The following COL19A1 variants were observed in gnomAD, a reference collection of about 807,000 sequenced individuals.
The protein encoded by COL19A1 is collagen type XIX alpha 1 chain, also known as collagen alpha-1(XIX) chain.
Under a neutral mutation model 190.2 loss-of-function variants are expected in COL19A1, and 159 were observed. That is an observed-to-expected ratio of 0.84 (90% CI 0.73 to 0.95). The LOEUF is 0.95. COL19A1 is among the 40% of genes least tolerant of loss of function. The pLI, the probability that COL19A1 is intolerant of heterozygous loss-of-function variation, is 0.00. For synonymous variants in COL19A1, 509 were observed against 458.9 expected, an observed-to-expected ratio of 1.11 and a Z score of -1.39; for missense variants, 1,418 against 1,431.9, an observed-to-expected ratio of 0.99 and a Z score of 0.16.
At chr6:70,181,055 T>A (rs182566149) in intron 44 of COL19A1, among the ~76,000 whole-genome samples, 121 of 152,354 alleles carry the variant, frequency 7.9e-4, no homozygotes, top group African/African-American at 2.5e-3. Context: ...TCATTCTGAC[T>A]AATCCAGTTC....
At chr6:70,168,568 A>T in intron 39 of COL19A1, 87 bp from the exon 40 acceptor site, 2 of 1,347,586 alleles carry the variant, frequency 1.5e-6, no homozygotes, top group Non-Finnish European at 2.1e-6. Context: ...TCGTATGTGT[A>T]TTAAGGCAAA....
At chr6:69,970,106 C>G (rs1775336118) in intron 11 of COL19A1, among the ~76,000 whole-genome samples, 1 of 151,996 alleles carries the variant, frequency 6.6e-6, no homozygotes, top group Non-Finnish European at 1.5e-5. Context: ...GACACATTGC[C>G]TAGGGTGTAA....
At chr6:70,206,867 TTG>T in intron 49 of COL19A1, 32 bp from the exon 50 acceptor site, 1 of 1,592,380 alleles carries the variant, frequency 6.3e-7, no homozygotes, top group Non-Finnish European at 8.6e-7. Flanking sequence ...AGAACCCTTT[TTG>T]TGTGTCTCTT....
At chr6:70,149,472 A>G (rs764232380) in intron 27 of COL19A1, among the ~76,000 whole-genome samples, 3 of 152,084 alleles carry the variant, frequency 2.0e-5, no homozygotes, top group Non-Finnish European at 2.9e-5. Context: ...AATGATATAG[A>G]TGTCCCAAGT....
At chr6:70,112,711 C>T (rs9454976) in intron 16 of COL19A1, among the ~76,000 whole-genome samples, 25 of 152,100 alleles carry the variant, frequency 1.6e-4, no homozygotes, top group African/African-American at 6.0e-4. Context: ...TAATTATGCC[C>T]ATTGAATGCA....
At chr6:69,978,912 G>A (rs2150063156) in intron 11 of COL19A1, among the ~76,000 whole-genome samples, 1 of 151,858 alleles carries the variant, frequency 6.6e-6, no homozygotes, top group South Asian at 2.1e-4. Flanking sequence ...ACAGATAGTA[G>A]ATGGACTTAA....
Position 70,188,131 on chromosome 6 carries a change from C to T in COL19A1, c.2913C>T (p.Gly971=). ...RGSQGERGKP[G]LTGMKGAIGP... Reference sequence around the variant, plus strand: ...CACAAGGTGAACGGGGAAAACCAGGCCTTACAGGCATGAAGGGGGCCATCG... The same window carrying T: ...CACAAGGTGAACGGGGAAAACCAGGTCTTACAGGCATGAAGGGGGCCATCG... The change falls in exon 47 of 51, where the codon GGC becomes GGT. Residue 971 remains glycine, a synonymous_variant. Coordinates refer to ENST00000620364, the MANE Select transcript of COL19A1 (RefSeq NM_001858.6). The T allele has an allele frequency of 6.2e-7, 1 of 1,613,848 alleles. No individual in the cohort carries two copies. The highest frequency in any genetic ancestry group is 8.5e-7 in the Non-Finnish European group (1 of 1,179,882).
At chr6:70,112,649 A>C (rs1204897706) in intron 16 of COL19A1, among the ~76,000 whole-genome samples, 2 of 152,170 alleles carry the variant, frequency 1.3e-5, no homozygotes, top group East Asian at 3.9e-4. Flanking sequence ...AGTGTTAAAA[A>C]ATCTACAAGC....
At chr6:70,070,469 C>T (rs563563311) in intron 15 of COL19A1, among the ~76,000 whole-genome samples, 5 of 152,144 alleles carry the variant, frequency 3.3e-5, no homozygotes, top group Admixed American at 1.3e-4. Context: ...AGGCATAGTT[C>T]GTCATTATTG....
chr6:69,992,762 T>G (rs1352705432), intron 11 of COL19A1, among the ~76,000 whole-genome samples: 1 of 152,044 alleles, frequency 6.6e-6, no homozygotes, highest in Non-Finnish European at 1.5e-5. Flanking sequence ...GCTTGGACAT[T>G]GTTGATCTAT....
In COL19A1 at chr6:70,209,542, T is replaced by G. The variant is rs1768073084; in HGVS notation, c.*2268T>G. The G allele has an allele frequency of 6.6e-6, 1 of 152,174 alleles. No homozygotes were observed. The highest frequency in any genetic ancestry group is 1.5e-5 in the Non-Finnish European group (1 of 68,024). 9.4% of individuals were successfully genotyped at this position (152,174 alleles called of 1,614,324 possible). ...GCATTCTTTCTTATGAATTGTATAT[T>G]TAGAAATCTTTCTAAATACCATTAA... On this transcript the variant is annotated 3_prime_UTR_variant, in exon 51 of 51. Coordinates refer to ENST00000620364, the MANE Select transcript of COL19A1 (RefSeq NM_001858.6).
chr6:70,062,397 T>C (rs560081719), intron 14 of COL19A1, among the ~76,000 whole-genome samples: 7 of 151,922 alleles, frequency 4.6e-5, no homozygotes, highest in Admixed American at 2.6e-4. Context: ...CATGAAAATT[T>C]AGTAATAAAA....
chr6:70,200,135 G>A (rs1402730509), intron 49 of COL19A1, among the ~76,000 whole-genome samples: 1 of 152,116 alleles, frequency 6.6e-6, no homozygotes, highest in African/African-American at 2.4e-5. Context: ...ATAAACTGGA[G>A]AAAGAGTTTT....
Position 70,209,983 on chromosome 6 carries a change from G to C in COL19A1, c.*2709G>C, listed in dbSNP as rs1583174774. ...AAGTTTTCCTCTAAATGACTTGATG[G>C]TTGCCAAATCCCTTGCACCATTTTA... is the stretch of plus-strand genomic sequence containing the variant. On this transcript the variant is annotated 3_prime_UTR_variant, in exon 51 of 51. Coordinates refer to ENST00000620364, the MANE Select transcript of COL19A1 (RefSeq NM_001858.6). 1 of 152,224 alleles carries C rather than the reference G, an allele frequency of 6.6e-6. No homozygotes were observed. Among genetic ancestry groups the C allele is most frequent in the East Asian group, 1.9e-4 (1 of 5,190 alleles). 9.4% of individuals were successfully genotyped at this position (152,224 alleles called of 1,614,324 possible). A position where few individuals can be genotyped will look rare whatever the true frequency, so the allele number is the denominator to read the frequency against.
intron 4 of COL19A1, among the ~76,000 whole-genome samples, chr6:69,917,121 T>A (rs1413623387): frequency 1.3e-5 from 2 of 152,222 alleles, no homozygotes; most frequent in African/African-American, 2.4e-5. Context: ...ATGAAGACAC[T>A]TTTGGTGAAA....
At chr6:70,184,680 A>T (rs1279620345) in intron 44 of COL19A1, 23 bp from the exon 45 acceptor site, 5 of 1,570,632 alleles carry the variant, frequency 3.2e-6, no homozygotes, top group Non-Finnish European at 4.4e-6. Context: ...AGTTAGAAAT[A>T]TTAATCCTTT....
intron 49 of COL19A1, among the ~76,000 whole-genome samples, chr6:70,202,783 G>T (rs1161205736): frequency 6.6e-6 from 1 of 152,210 alleles, no homozygotes; most frequent in Non-Finnish European, 1.5e-5. Flanking sequence ...AAAGTGAAAA[G>T]AAAGACCTTT....
intron 10 of COL19A1, among the ~76,000 whole-genome samples, chr6:69,960,787 C>T (rs879574686): frequency 2.6e-5 from 4 of 152,076 alleles, no homozygotes; most frequent in Non-Finnish European, 4.4e-5. Context: ...CCACCACAGC[C>T]GGCTAATTTT....
chr6:70,149,672 A>T lies in COL19A1; in HGVS notation c.1894-32A>T, dbSNP rs56034411. The T allele has an allele frequency of 4.5e-3, 7,294 of 1,609,744 alleles. 224 individuals are homozygous for T. The African/African-American group carries it at 0.074, about 16-fold the overall frequency. ...GATAATTTATGGACATTCTTGGTGG[A>T]ATTTTAATAATAAAATCTCATTTGT... On this transcript the variant is annotated intron_variant, in intron 27 of 50. Transcript: ENST00000620364.
Sources: allele counts gnomAD v4.1 joint callset (sites outside exome capture counted in the v4.1 genomes callset), GRCh38; gene constraint gnomAD v4.1.1; transcripts MANE v1.5; gene names NCBI Gene and HGNC (gene_info 2026-07-23, HGNC 2026-07-21).